The following CFAP46 variants were observed in gnomAD, a reference collection of about 807,000 sequenced individuals.
CFAP46 encodes cilia and flagella associated protein 46.
In CFAP46, 245 loss-of-function variants were observed where a neutral mutation model predicts 325.7. The observed-to-expected ratio is 0.75, with a 90% CI of 0.68 to 0.84. CFAP46 has a LOEUF of 0.84. Ranked by LOEUF, CFAP46 falls within the 40% of genes least tolerant of loss-of-function variation. The pLI is 0.00. For synonymous variants in CFAP46, 1,523 were observed against 1,495.9 expected, an observed-to-expected ratio of 1.02 and a Z score of -0.42; for missense variants, 3,346 against 3,543.0, an observed-to-expected ratio of 0.94 and a Z score of 1.41.
chr10:132,872,771 G>C lies in CFAP46; in HGVS notation c.4416C>G (p.Cys1472Trp). 6.4e-7 allele frequency: 1 copy of C among 1,551,026 alleles called. No homozygotes were observed. Among genetic ancestry groups the C allele is most frequent in the Non-Finnish European group, 8.7e-7 (1 of 1,147,092 alleles). ...GGACGGGAACCGTGAGTTCGTGCAGGCACATCTTCTGCAGGGCCTTGACCA... is the reference window on the plus strand; with the variant it reads ...GGACGGGAACCGTGAGTTCGTGCAGCCACATCTTCTGCAGGGCCTTGACCA... ...DHLVKALQKMCLHELTVPVLQ... is the reference protein window; with the variant it reads ...DHLVKALQKMWLHELTVPVLQ... Residue 1472 changes from cysteine to tryptophan, a missense_variant, in exon 32 of 58, where the codon TGC (cysteine) becomes TGG (tryptophan). By Grantham distance (215) the Cys-to-Trp change is radical. Coordinates refer to ENST00000368586, the MANE Select transcript of CFAP46 (RefSeq NM_001200049.3).
intron 33 of CFAP46, among the ~76,000 whole-genome samples, chr10:132,867,795 G>A (rs544283206): frequency 3.3e-5 from 5 of 151,922 alleles, no homozygotes; most frequent in East Asian, 1.9e-4. Flanking sequence ...GCCCAGCCCC[G>A]GCCCCGCTGT....
rs1388260422 is a variant in CFAP46 at position 132,879,650 on chromosome 10, G to A, written c.3800-19C>T. 2.1e-5 allele frequency: 32 copies of A among 1,489,736 alleles called. No homozygotes were observed. Among genetic ancestry groups the A allele is most frequent in the African/African-American group, 4.2e-5 (3 of 71,562 alleles). 92.3% of individuals were successfully genotyped at this position (1,489,736 alleles called of 1,614,324 possible). ...TACTCCCCTGAAACACGGGGTGCCC[G>A]AGGCTGAGAGCAGGCCCGGCTACGG... On this transcript the variant is annotated intron_variant, in intron 28 of 57. Coordinates refer to ENST00000368586, the MANE Select transcript of CFAP46 (RefSeq NM_001200049.3).
chr10:132,846,838 T>C, intron 43 of CFAP46, 94 bp downstream of exon 43: 1 of 1,432,228 alleles, frequency 7.0e-7, no homozygotes, highest in Non-Finnish European at 9.3e-7. Flanking sequence ...GCTTCTCTAA[T>C]GGAGTCCCCC....
intron 48 of CFAP46, 125 bp downstream of exon 48, chr10:132,834,529 G>T: frequency 7.4e-7 from 1 of 1,356,432 alleles, no homozygotes; most frequent in Non-Finnish European, 9.9e-7. Context: ...CAGGCAGGCG[G>T]CGCCGAGTCC....
At chr10:132,829,736 TG>T (rs1200374613) in intron 50 of CFAP46, among the ~76,000 whole-genome samples, 1 of 152,272 alleles carries the variant, frequency 6.6e-6, no homozygotes, top group Non-Finnish European at 1.5e-5. Flanking sequence ...TCCGAATGGA[TG>T]TTGGGTTTTG....
intron 25 of CFAP46, among the ~76,000 whole-genome samples, chr10:132,887,162 CTCTTCTT>C (rs1564790342): frequency 2.4e-4 from 8 of 33,664 alleles, no homozygotes; most frequent in South Asian, 9.2e-4. Flanking sequence ...TCTCTCCTCT[CTCTTCTT>C]TCCTCTCCCC....
intron 35 of CFAP46, among the ~76,000 whole-genome samples, chr10:132,861,655 G>T (rs977630102): frequency 6.6e-6 from 1 of 152,256 alleles, no homozygotes; most frequent in Non-Finnish European, 1.5e-5. Context: ...GAACAGAGAG[G>T]TGCTGGTCAG....
At chr10:132,892,449 T>C in intron 24 of CFAP46, 32 bp from the exon 25 acceptor site, 1 of 1,544,350 alleles carries the variant, frequency 6.5e-7, no homozygotes, top group Non-Finnish European at 8.8e-7. Flanking sequence ...ACACGTATAT[T>C]TGAAAGTTGC....
At chr10:132,937,456 C>A in intron 6 of CFAP46, 96 bp downstream of exon 6, 2 of 1,478,242 alleles carry the variant, frequency 1.4e-6, no homozygotes, top group Non-Finnish European at 1.9e-6. Context: ...ATTTTTATAT[C>A]TCTCAGCAAA....
chr10:132,824,881 GCA>G (rs1848007100), intron 50 of CFAP46, among the ~76,000 whole-genome samples: 1 of 143,892 alleles, frequency 6.9e-6, no homozygotes, highest in Non-Finnish European at 1.5e-5. Context: ...TGCTGTGTGT[GCA>G]GTGATGTGTG....
intron 29 of CFAP46, among the ~76,000 whole-genome samples, chr10:132,878,366 C>A (rs571598039): frequency 1.3e-5 from 2 of 152,308 alleles, no homozygotes; most frequent in East Asian, 1.9e-4. Flanking sequence ...AGGGACACAG[C>A]GGGACACCCC....
intron 23 of CFAP46, 103 bp from the exon 24 acceptor site, chr10:132,899,224 G>T: frequency 1.6e-6 from 2 of 1,266,330 alleles, no homozygotes; most frequent in Non-Finnish European, 2.2e-6. Context: ...CCAGCCACAC[G>T]CTCGCTCCCT....
At chr10:132,849,933 T>C (rs12762131) in intron 41 of CFAP46, among the ~76,000 whole-genome samples, 2 of 151,790 alleles carry the variant, frequency 1.3e-5, no homozygotes, top group Non-Finnish European at 2.9e-5. Context: ...TGCTCCACGC[T>C]CGCCAGCACA....
Position 132,828,475 on chromosome 10 carries a change from CTTTG to C in CFAP46, c.7117+4879_7117+4882del, listed in dbSNP as rs1364988155. On this transcript the variant is annotated intron_variant, in intron 50 of 57. Coordinates refer to ENST00000368586, the MANE Select transcript of CFAP46 (RefSeq NM_001200049.3). This position sits in a 1 kb window ranked among gnomAD's most constrained non-coding sequence, Gnocchi z 4.9. The stretch of plus-strand genomic sequence containing the variant: ...TGATGTCGGGCATCCTTCCATCGTA[CTTTG>C]TTTGCTATCTAAATCTTTTCTCGTG... 1.3e-5 allele frequency among the ~76,000 whole-genome samples: 2 copies of C among 152,138 alleles called. No individual in the cohort carries two copies. The highest frequency in any genetic ancestry group is 1.9e-4 in the East Asian group (1 of 5,196).
chr10:132,829,280 T>TA (rs561925381), intron 50 of CFAP46, among the ~76,000 whole-genome samples: 5 of 152,192 alleles, frequency 3.3e-5, no homozygotes, highest in Non-Finnish European at 5.9e-5. Context: ...CTTGCACCTT[T>TA]TGTCAAACTT....
intron 24 of CFAP46, among the ~76,000 whole-genome samples, chr10:132,892,922 C>A (rs529249777): frequency 2.6e-5 from 4 of 152,286 alleles, no homozygotes; most frequent in African/African-American, 9.6e-5. Context: ...GAACTTCAGG[C>A]AACCATCAGG....
rs1849513819 is a variant in CFAP46, at chr10:132,909,816, T to C, written c.2649+103A>G. 6 of 1,087,818 alleles carry C rather than the reference T, an allele frequency of 5.5e-6. No homozygotes were observed. In the South Asian group the frequency reaches 1.2e-4, roughly 22 times the overall value. The allele number at this position is 1,087,818 out of a possible 1,614,324, so 67.4% of individuals were successfully genotyped here. On this transcript the variant is annotated intron_variant, in intron 20 of 57. Transcript: ENST00000368586. ...GCCCAGGCCATCCGTGATGGCTCCA[T>C]CTGGAGCTAAGTGGTCCCGGGGGCC... is the stretch of plus-strand genomic sequence containing the variant.
At position 132,827,400 on chromosome 10, in the gene CFAP46, T is replaced by C. The variant is rs56780796; in HGVS notation, c.7117+5958A>G. On this transcript the variant is annotated intron_variant, in intron 50 of 57. Coordinates refer to ENST00000368586, the MANE Select transcript of CFAP46 (RefSeq NM_001200049.3). This position sits in a 1 kb window ranked among gnomAD's most constrained non-coding sequence, Gnocchi z 5.7. ...GGGACACGGTGCCTGCAGGGCCCTC[T>C]GTCCTTGGACCTCCTCCTTCAAGGA... is the stretch of plus-strand genomic sequence containing the variant. 0.026 allele frequency among the ~76,000 whole-genome samples: 4,001 copies of C among 152,224 alleles called. 68 individuals carry two copies. Among genetic ancestry groups the C allele is most frequent in the South Asian group, 0.11 (512 of 4,822 alleles).
intron 50 of CFAP46, among the ~76,000 whole-genome samples, chr10:132,824,143 A>ATGTGTGCTG (rs1847972950): frequency 1.1e-5 from 1 of 90,820 alleles, no homozygotes; most frequent in Non-Finnish European, 2.1e-5. Flanking sequence ...GTGTGTGCTG[A>ATGTGTGCTG]TGTGTGCTGT....
Sources: gnomAD v4.1 joint callset for allele counts (sites outside exome capture counted in the v4.1 genomes callset) on GRCh38, gnomAD v4.1.1 for gene constraint, Gnocchi (gnomAD v3.1) non-coding constraint, MANE v1.5 for transcripts, NCBI Gene and HGNC (gene_info 2026-07-23, HGNC 2026-07-21) for gene names.